Variants in XKR4 observed in about 807,000 individuals in gnomAD.
XKR4 encodes the protein XK-related protein 4.
A neutral mutation model predicts 53.9 loss-of-function variants in XKR4; 12 were observed. That is an observed-to-expected ratio of 0.22 (90% CI 0.14 to 0.36). The LOEUF is 0.36. Among genes scored for constraint, XKR4 ranks in the 10% least tolerant of loss-of-function variants. XKR4 has a pLI of 1.00. For missense variants in XKR4, 799 were observed against 859.5 expected, an observed-to-expected ratio of 0.93 and a Z score of 0.88; for synonymous variants, 354 against 362.4, an observed-to-expected ratio of 0.98 and a Z score of 0.26.
intron 1 of XKR4, among the ~76,000 whole-genome samples, chr8:55,123,042 C>G (rs1187420905): frequency 6.6e-6 from 1 of 152,228 alleles, no homozygotes; most frequent in Non-Finnish European, 1.5e-5. Context: ...CTTCCACTTA[C>G]TGTGGAACAG....
At chr8:55,460,263 T>A (rs986376252) in intron 2 of XKR4, among the ~76,000 whole-genome samples, 1 of 152,184 alleles carries the variant, frequency 6.6e-6, no homozygotes, top group Non-Finnish European at 1.5e-5. Context: ...AGTGGCTATC[T>A]GAAATGGGAT....
chr8:55,402,799 G>C (rs767595488), intron 2 of XKR4, among the ~76,000 whole-genome samples: 2 of 152,096 alleles, frequency 1.3e-5, no homozygotes, highest in Non-Finnish European at 2.9e-5. Flanking sequence ...CAAGGGCCAC[G>C]GGCAGGTTCA....
At chr8:55,362,488 G>A (rs540647156) in intron 2 of XKR4, among the ~76,000 whole-genome samples, 108 of 152,130 alleles carry the variant, frequency 7.1e-4, no homozygotes, top group Non-Finnish European at 1.4e-3. Flanking sequence ...CTTAGGGGGA[G>A]AGCATTTTAG....
chr8:55,167,376 A>C (rs1158717359), intron 1 of XKR4, among the ~76,000 whole-genome samples: 1 of 152,224 alleles, frequency 6.6e-6, no homozygotes, highest in Non-Finnish European at 1.5e-5. Context: ...AAGTGAGCAC[A>C]AGTATTATGT....
At chr8:55,210,859 T>A (rs570523819) in intron 1 of XKR4, among the ~76,000 whole-genome samples, 1 of 152,322 alleles carries the variant, frequency 6.6e-6, no homozygotes, top group South Asian at 2.1e-4. Flanking sequence ...AAGGTGTGCA[T>A]TTCTGGTAGT....
intron 1 of XKR4, among the ~76,000 whole-genome samples, chr8:55,344,943 T>C (rs1585531139): frequency 6.6e-6 from 1 of 152,318 alleles, no homozygotes; most frequent in East Asian, 1.9e-4. Context: ...AGATAAATCT[T>C]GTTTTCACAT....
chr8:55,174,765 G>C (rs528127563), intron 1 of XKR4, among the ~76,000 whole-genome samples: 9 of 152,278 alleles, frequency 5.9e-5, no homozygotes, highest in African/African-American at 1.9e-4. Flanking sequence ...GCACCACTTA[G>C]AGACAATTCA....
intron 1 of XKR4, chr8:55,164,182 A>G (rs1265967228): frequency 5.0e-5 from 23 of 456,632 alleles, no homozygotes; most frequent in Non-Finnish European, 9.7e-5. Flanking sequence ...CCCAGCACAC[A>G]GGTTGCCTCG....
rs57191139 is a variant in XKR4 at position 55,320,343 on chromosome 8, G to A, written c.807-37335G>A. Among the ~76,000 whole-genome samples, 724 of 152,192 alleles carry A rather than the reference G, an allele frequency of 4.8e-3. 6 individuals are homozygous for A. The highest frequency in any genetic ancestry group is 0.016 in the African/African-American group (657 of 41,512). On this transcript the variant is annotated intron_variant, in intron 1 of 2. Transcript: ENST00000327381. ...GCCCTGATAATATGTAGGAGTTAAA[G>A]TACTTACCTACCCTTAACTTCCTAT...
intron 1 of XKR4, among the ~76,000 whole-genome samples, chr8:55,112,292 A>G (rs534366403): frequency 3.9e-5 from 6 of 152,254 alleles, no homozygotes; most frequent in Admixed American, 1.3e-4. Flanking sequence ...AGCAGTGGGC[A>G]TTGTGTGGGG....
At chr8:55,376,954 T>TCACA (rs59737150) in intron 2 of XKR4, among the ~76,000 whole-genome samples, 79,771 of 144,920 alleles carry the variant, frequency 0.55, 21,907 homozygotes, top group Admixed American at 0.58. Flanking sequence ...AAACACACAC[T>TCACA]CACACACACA....
intron 1 of XKR4, among the ~76,000 whole-genome samples, chr8:55,248,213 C>A (rs1818315938): frequency 1.3e-5 from 2 of 152,152 alleles, no homozygotes; most frequent in African/African-American, 4.8e-5. Flanking sequence ...AAGCCTCTTC[C>A]TGGAACATTT....
chr8:55,134,040 A>G (rs561912521), intron 1 of XKR4, among the ~76,000 whole-genome samples: 73 of 152,316 alleles, frequency 4.8e-4, no homozygotes, highest in African/African-American at 1.7e-3. Flanking sequence ...TCCTAAAACA[A>G]TTTGTCAATT....
chr8:55,415,097 C>T (rs1325581120), intron 2 of XKR4, among the ~76,000 whole-genome samples: 1 of 152,200 alleles, frequency 6.6e-6, no homozygotes, highest in Non-Finnish European at 1.5e-5. Flanking sequence ...TCTTACATCA[C>T]TAACAATAGT....
At chr8:55,268,209 A>G (rs1396230427) in intron 1 of XKR4, among the ~76,000 whole-genome samples, 1 of 152,206 alleles carries the variant, frequency 6.6e-6, no homozygotes, top group East Asian at 1.9e-4. Context: ...TGGAGAGGGT[A>G]ACAAGATTCT....
At chr8:55,266,122 C>T (rs920987035) in intron 1 of XKR4, among the ~76,000 whole-genome samples, 2 of 151,954 alleles carry the variant, frequency 1.3e-5, no homozygotes, top group Non-Finnish European at 2.9e-5. Context: ...TGTGTCACTG[C>T]ACTCCAGCCT....
chr8:55,365,916 G>T (rs1057430673), intron 2 of XKR4, among the ~76,000 whole-genome samples: 3 of 152,154 alleles, frequency 2.0e-5, no homozygotes, highest in Non-Finnish European at 4.4e-5. Context: ...GACAGAAGGG[G>T]TGCAACCTCG....
At chr8:55,399,077 G>A (rs191087790) in intron 2 of XKR4, among the ~76,000 whole-genome samples, 45 of 152,288 alleles carry the variant, frequency 3.0e-4, no homozygotes, top group African/African-American at 1.1e-3. Flanking sequence ...AGATTTTCTG[G>A]AAGTAGCGAG....
rs1015447459 is a variant in XKR4, at chr8:55,350,680, G to C, written c.807-6998G>C. 2.6e-5 allele frequency among the ~76,000 whole-genome samples: 4 copies of C among 151,992 alleles called. No homozygotes were observed. In the East Asian group the frequency reaches 7.7e-4, roughly 29 times the overall value. ...GTAGTTGCCAGGGGCTGGGGAAGGAGGGGAATGGAGAATTGTTTAGTGGAT... is the reference window on the plus strand; with the variant it reads ...GTAGTTGCCAGGGGCTGGGGAAGGACGGGAATGGAGAATTGTTTAGTGGAT... On this transcript the variant is annotated intron_variant, in intron 1 of 2. Coordinates refer to ENST00000327381, the MANE Select transcript of XKR4 (RefSeq NM_052898.2).
Sources: allele counts gnomAD v4.1 joint callset (sites outside exome capture counted in the v4.1 genomes callset), GRCh38; gene constraint gnomAD v4.1.1; transcripts MANE v1.5; gene names NCBI Gene and HGNC (gene_info 2026-07-23, HGNC 2026-07-21).